Variants in ZZEF1 observed in about 807,000 individuals in gnomAD.
ZZEF1 encodes zinc finger ZZ-type and EF-hand domain containing 1.
In ZZEF1, 157 loss-of-function variants were observed where a neutral mutation model predicts 342.8. The ratio of observed to expected loss-of-function variants is 0.46; its 90% CI spans 0.40 to 0.52. ZZEF1 has a LOEUF of 0.52. Ranked by LOEUF, ZZEF1 falls within the 20% of genes least tolerant of loss-of-function variation. The pLI is 0.00. For missense variants in ZZEF1, 3,480 were observed against 3,725.6 expected (o/e 0.93, Z 1.72); for synonymous variants, 1,505 against 1,429.1 (o/e 1.05, Z -1.20).
At chr17:4,069,183 A>G (rs1393034804) in intron 26 of ZZEF1, among the ~76,000 whole-genome samples, 1 of 152,226 alleles carries the variant, frequency 6.6e-6, no homozygotes, top group Admixed American at 6.5e-5. Flanking sequence ...TCCATTTCTC[A>G]GCTTTTAACC....
intron 9 of ZZEF1, among the ~76,000 whole-genome samples, chr17:4,099,175 C>T (rs1010001698): frequency 6.6e-6 from 1 of 152,012 alleles, no homozygotes; most frequent in Admixed American, 6.6e-5. Context: ...AATAAAACTT[C>T]TGTGCTTCCT....
At position 4,075,316 on chromosome 17, in the gene ZZEF1, T is replaced by C; in HGVS notation, c.3348A>G (p.Pro1116=). 6.2e-7 allele frequency: 1 copy of C among 1,614,240 alleles called. No homozygotes were observed. The highest frequency in any genetic ancestry group is 8.5e-7 in the Non-Finnish European group (1 of 1,180,028). ...NCHEVSVFVS[P]GATYFEVEFD... The stretch of plus-strand genomic sequence containing the variant: ...ATTCCACTTCAAAATAGGTTGCCCC[T>C]GGGCTAACAAAGACGGATACCTCAT... The change falls in exon 22 of 55, where the codon CCA becomes CCG. Residue 1116 remains proline, a synonymous_variant. Coordinates refer to ENST00000381638, the MANE Select transcript of ZZEF1 (RefSeq NM_015113.4).
chr17:4,063,853 G>A (rs988312952), intron 29 of ZZEF1, among the ~76,000 whole-genome samples: 3 of 150,906 alleles, frequency 2.0e-5, no homozygotes, highest in South Asian at 2.1e-4. Flanking sequence ...TCAGCCTCCC[G>A]AGTAGCTGGG....
At chr17:4,064,070 G>GA (rs2057341020) in intron 29 of ZZEF1, among the ~76,000 whole-genome samples, 1 of 151,322 alleles carries the variant, frequency 6.6e-6, no homozygotes, top group East Asian at 1.9e-4. Flanking sequence ...TGGAGGGGGG[G>GA]GGGTCTCACT....
chr17:4,125,045 G>A (rs76479152), intron 1 of ZZEF1, among the ~76,000 whole-genome samples: 2,133 of 152,272 alleles, frequency 0.014, 23 homozygotes, highest in Middle Eastern at 0.02. Context: ...CATTTGAACA[G>A]AGCCCAGTAC....
At chr17:4,018,967 A>ACT (rs1414356905) in intron 46 of ZZEF1, among the ~76,000 whole-genome samples, 1 of 136,566 alleles carries the variant, frequency 7.3e-6, no homozygotes, top group Admixed American at 6.8e-5. Context: ...CCCACCCCAG[A>ACT]CTCTGCCTAC....
intron 1 of ZZEF1, among the ~76,000 whole-genome samples, chr17:4,126,446 AAAG>A (rs1232545009): frequency 6.6e-6 from 1 of 152,192 alleles, no homozygotes; most frequent in Non-Finnish European, 1.5e-5. Context: ...GCACACAGAC[AAAG>A]AATACAAGAT....
At chr17:4,112,585 T>G (rs762039566) in intron 5 of ZZEF1, 24 bp downstream of exon 5, 2 of 1,613,046 alleles carry the variant, frequency 1.2e-6, no homozygotes, top group Admixed American at 3.3e-5. Context: ...CTTTTCCCTA[T>G]CCCCTCAGTT....
Position 4,124,032 on chromosome 17 carries a change from G to A in ZZEF1, c.374C>T (p.Ala125Val), listed in dbSNP as rs764233097. ...QFEEAFAQFDAEGDGTVDAEN... is the reference protein window; with the variant it reads ...QFEEAFAQFDVEGDGTVDAEN... ...GGCATCAACTGTCCCATCACCCTCAGCATCAAACTGGGCAAAGGCCTACAA... is the reference window on the plus strand; with the variant it reads ...GGCATCAACTGTCCCATCACCCTCAACATCAAACTGGGCAAAGGCCTACAA... The change falls in exon 2 of 55, where the codon GCT becomes GTT. Residue 125 changes from alanine to valine, a missense_variant. Physicochemically the swap from Ala to Val is moderately conservative, Grantham distance 64. Transcript: ENST00000381638. The A allele has an allele frequency of 2.3e-5, 37 of 1,613,364 alleles. No individual in the cohort carries two copies. Among genetic ancestry groups the A allele is most frequent in the Non-Finnish European group, 3.0e-5 (35 of 1,179,780 alleles).
intron 42 of ZZEF1, among the ~76,000 whole-genome samples, chr17:4,029,788 C>T (rs1322908539): frequency 6.7e-6 from 1 of 150,308 alleles, no homozygotes; most frequent in Non-Finnish European, 1.5e-5. Context: ...GCAGGAGAAT[C>T]ACTTGAACCC....
intron 1 of ZZEF1, among the ~76,000 whole-genome samples, chr17:4,141,247 A>G (rs574658707): frequency 6.6e-6 from 1 of 152,344 alleles, no homozygotes; most frequent in African/African-American, 2.4e-5. Flanking sequence ...CCTTAAAGGT[A>G]CTTTTTTCAT....
At chr17:4,079,693 G>A (rs1460099214) in intron 18 of ZZEF1, among the ~76,000 whole-genome samples, 1 of 152,026 alleles carries the variant, frequency 6.6e-6, no homozygotes, top group African/African-American at 2.4e-5. Context: ...AGCAACCTTG[G>A]CAAATGATAA....
At chr17:4,128,835 G>GCACA (rs2058619087) in intron 1 of ZZEF1, among the ~76,000 whole-genome samples, 7 of 139,404 alleles carry the variant, frequency 5.0e-5, no homozygotes, top group African/African-American at 1.9e-4. Context: ...GCAGTGGTGG[G>GCACA]ATCTCGGCTT....
intron 37 of ZZEF1, among the ~76,000 whole-genome samples, chr17:4,048,175 C>T (rs936991214): frequency 1.3e-5 from 2 of 152,116 alleles, no homozygotes; most frequent in African/African-American, 4.8e-5. Flanking sequence ...TCTCTTTGTT[C>T]CCATCATAAT....
intron 18 of ZZEF1, among the ~76,000 whole-genome samples, chr17:4,080,466 A>C (rs1291173834): frequency 6.6e-6 from 1 of 152,216 alleles, no homozygotes; most frequent in East Asian, 1.9e-4. Flanking sequence ...CAGCCTCCCG[A>C]GTAGCTGGGA....
intron 18 of ZZEF1, among the ~76,000 whole-genome samples, chr17:4,079,733 C>A (rs964562257): frequency 2.6e-5 from 4 of 152,022 alleles, no homozygotes; most frequent in South Asian, 2.1e-4. Context: ...CTCTGAGGTC[C>A]CCATCAGTGA....
intron 39 of ZZEF1, among the ~76,000 whole-genome samples, chr17:4,039,342 C>T (rs143466085): frequency 0.059 from 8,910 of 151,938 alleles, 377 homozygotes; most frequent in Admixed American, 0.12. Context: ...TGGTGGCATG[C>T]GCCTGTAATC....
rs762348259 is a variant in ZZEF1 at position 4,087,490 on chromosome 17, G to A, written c.2286C>T (p.Asp762=). The A allele has an allele frequency of 6.2e-7, 1 of 1,611,154 alleles. No homozygotes were observed. The highest frequency in any genetic ancestry group is 1.1e-5 in the South Asian group (1 of 89,666). ...ESGLKYKSFL[D]FAGLDLQIFW... ...AGATCTGCAAATCAAGACCCGCGAA[G>A]TCCAGAAAAGATTTATATTTTAAGC... The change falls in exon 14 of 55, where the codon GAC becomes GAT. Residue 762 remains aspartate, a synonymous_variant. Coordinates refer to ENST00000381638, the MANE Select transcript of ZZEF1 (RefSeq NM_015113.4).
intron 2 of ZZEF1, among the ~76,000 whole-genome samples, chr17:4,119,448 C>A (rs756398039): frequency 1.3e-5 from 2 of 152,184 alleles, no homozygotes; most frequent in Admixed American, 6.5e-5. Flanking sequence ...CCTTTCCCAC[C>A]GGAACAGCTC....
Sources: gnomAD v4.1 joint callset for allele counts (sites outside exome capture counted in the v4.1 genomes callset) on GRCh38, gnomAD v4.1.1 for gene constraint, MANE v1.5 for transcripts, NCBI Gene and HGNC (gene_info 2026-07-23, HGNC 2026-07-21) for gene names.